EGLN2: variants seen among roughly 807,000 people sequenced by gnomAD.
The protein encoded by EGLN2 is egl-9 family hypoxia inducible factor 2.
In EGLN2, 15 loss-of-function variants were observed where a neutral mutation model predicts 38.2. The ratio of observed to expected loss-of-function variants is 0.39; its 90% CI spans 0.26 to 0.60. EGLN2 has a LOEUF of 0.60. Ranked by LOEUF, EGLN2 falls within the 20% of genes least tolerant of loss-of-function variation. The probability of loss-of-function intolerance (pLI) is 0.50; values close to 1 mark genes in which losing one functional copy is unlikely to be tolerated. For missense variants in EGLN2, 492 were observed against 570.4 expected, an observed-to-expected ratio of 0.86 and a Z score of 1.40; for synonymous variants, 284 against 237.4, an observed-to-expected ratio of 1.20 and a Z score of -1.81.
chr19:40,805,909 G>A (rs2083297478), intron 2 of EGLN2: 1 of 153,086 alleles, frequency 6.5e-6, no homozygotes, highest in Non-Finnish European at 1.5e-5. Flanking sequence ...ACTGGCTAGG[G>A]TTACCCAGCA....
rs753889720 is a variant in EGLN2 at position 40,800,594 on chromosome 19, C to T, written c.22C>T (p.Gln8Ter). 6.2e-7 allele frequency: 1 copy of T among 1,606,772 alleles called. No individual in the cohort carries two copies. Among genetic ancestry groups the T allele is most frequent in the Non-Finnish European group, 8.5e-7 (1 of 1,175,846 alleles). Residue 8 changes from glutamine (Q) to a stop codon, truncating the protein, a stop_gained, in exon 2 of 6, where the codon CAG becomes TAG. Coordinates refer to ENST00000303961, the MANE Select transcript of EGLN2 (RefSeq NM_080732.4). LOFTEE classifies it high-confidence loss of function. Reference sequence around the variant, plus strand: ...TGCCATGGACAGCCCGTGCCAGCCGCAGCCCCTAAGTCAGGCTCTCCCTCA... The same window carrying T: ...TGCCATGGACAGCCCGTGCCAGCCGTAGCCCCTAAGTCAGGCTCTCCCTCA... MDSPCQP[Q>*]PLSQALPQLP...
In EGLN2 at chr19:40,800,701, C is replaced by G. The variant is rs766573706; in HGVS notation, c.129C>G (p.Pro43=). ...GAGTGGAGAGTTACCTGCCCTGTCC[C>G]CTGCTCCCCTCCTACCACTGTCCAG... is the stretch of plus-strand genomic sequence containing the variant. ...RMGVESYLPC[P]LLPSYHCPGV... The change falls in exon 2 of 6, where the codon CCC becomes CCG. Residue 43 remains proline, a synonymous_variant. Transcript: ENST00000303961. The G allele has an allele frequency of 6.2e-7, 1 of 1,614,096 alleles. No individual in the cohort carries two copies. Among genetic ancestry groups the G allele is most frequent in the Admixed American group, 1.7e-5 (1 of 60,024 alleles).
rs1408390440 is a variant in EGLN2, at chr19:40,800,404, C to T, written c.-169C>T. ...GAGGACTTGGGGACCAGCAAGCAAC[C>T]CCCAGGGCACGAGAAGAGCTCTTGC... On this transcript the variant is annotated 5_prime_UTR_variant, in exon 2 of 6. Transcript: ENST00000303961. The T allele has an allele frequency of 9.3e-7, 1 of 1,072,122 alleles. No individual in the cohort carries two copies. Among genetic ancestry groups the T allele is most frequent in the Non-Finnish European group, 1.3e-6 (1 of 771,496 alleles). The allele number at this position is 1,072,122 out of a possible 1,614,324, so 66.4% of individuals were successfully genotyped here.
Position 40,808,365 on chromosome 19 carries a change from G to A in EGLN2, c.*501G>A. 2.5e-6 allele frequency: 1 copy of A among 404,702 alleles called. No homozygotes were observed. Among genetic ancestry groups the A allele is most frequent in the Non-Finnish European group, 4.4e-6 (1 of 228,954 alleles). 25.1% of individuals were successfully genotyped at this position (404,702 alleles called of 1,614,324 possible). A position where few individuals can be genotyped will look rare whatever the true frequency, so the allele number is the denominator to read the frequency against. On this transcript the variant is annotated 3_prime_UTR_variant, in exon 6 of 6. Transcript: ENST00000303961. ...CTGCCACTGCTTGGGCAGAGTAAAAGGTGCCAGGAGGAGCATGGGTGTGGA... is the reference window on the plus strand; with the variant it reads ...CTGCCACTGCTTGGGCAGAGTAAAAAGTGCCAGGAGGAGCATGGGTGTGGA...
In EGLN2 at chr19:40,806,669, G is replaced by A. The variant is rs774710749; in HGVS notation, c.958G>A (p.Val320Ile). Residue 320 changes from valine to isoleucine, a missense_variant, in exon 3 of 6, where the codon GTT becomes ATT. By Grantham distance (29) the Val-to-Ile change is conservative (BLOSUM62 3). This residue lies in a region of EGLN2 where 114 missense variants were observed against 184.2 expected (regional missense o/e 0.62). Transcript: ENST00000303961. ...CIYYLNQNWD[V>I]KVHGGLLQIF... ...CTATTACCTGAATCAGAACTGGGAC[G>A]TTAAGGTAGGGGTGAGGGTGAGGGT... The A allele has an allele frequency of 1.1e-5, 18 of 1,613,450 alleles. No homozygotes were observed. The highest frequency in any genetic ancestry group is 1.3e-5 in the African/African-American group (1 of 75,016).
At chr19:40,801,651 C>CTTTTTTTTTTTT (rs58809253) in intron 2 of EGLN2, among the ~76,000 whole-genome samples, 41 of 102,706 alleles carry the variant, frequency 4.0e-4, no homozygotes, top group Non-Finnish European at 6.2e-4. Flanking sequence ...CACAGTGGTT[C>CTTTTTTTTTTTT]TTTTTTTTTT....
chr19:40,802,400 C>T (rs551806512), intron 2 of EGLN2, among the ~76,000 whole-genome samples: 1 of 152,328 alleles, frequency 6.6e-6, no homozygotes, highest in African/African-American at 2.4e-5. Flanking sequence ...CCCTCCATTC[C>T]CCCTGTCCTG....
intron 2 of EGLN2, 67 bp downstream of exon 2, chr19:40,801,482 T>C: frequency 6.5e-7 from 1 of 1,545,456 alleles, no homozygotes; most frequent in South Asian, 1.2e-5. Flanking sequence ...TTCAGTGCTC[T>C]GAGCACAGTG....
intron 1 of EGLN2, 74 bp downstream of exon 1, chr19:40,799,336 G>T (rs1224714506): frequency 7.3e-6 from 1 of 137,598 alleles, no homozygotes; most frequent in South Asian, 2.3e-4. Flanking sequence ...CGAACCGGGC[G>T]GGGTGTGGGG....
At position 40,807,481 on chromosome 19, in the gene EGLN2, C is replaced by T; in HGVS notation, c.1101-3C>T. Reference sequence around the variant, plus strand: ...ACTAATGTCCAACCACCCTGGTCTCCAGGTACGCCATCACTGTCTGGTATT... The same window carrying T: ...ACTAATGTCCAACCACCCTGGTCTCTAGGTACGCCATCACTGTCTGGTATT... On this transcript the variant is annotated splice_region_variant and splice_polypyrimidine_tract_variant and intron_variant, in intron 4 of 5. Transcript: ENST00000303961. 1.9e-6 allele frequency: 3 copies of T among 1,614,130 alleles called. No homozygotes were observed. The highest frequency in any genetic ancestry group is 2.5e-6 in the Non-Finnish European group (3 of 1,180,010).
At chr19:40,806,769 C>T in intron 3 of EGLN2, 95 bp downstream of exon 3, 1 of 1,512,186 alleles carries the variant, frequency 6.6e-7, no homozygotes, top group Non-Finnish European at 9.0e-7. Flanking sequence ...AGCCCAGATT[C>T]TGGCATTCTC....
chr19:40,801,501 G>GACAGGCTTCTGGGAGGTC, intron 2 of EGLN2, 86 bp downstream of exon 2: 1 of 1,524,626 alleles, frequency 6.6e-7, no homozygotes, highest in Non-Finnish European at 8.8e-7. Context: ...TGGGTTTGGA[G>GACAGGCTTCTGGGAGGTC]ACAGGCTTCT....
At chr19:40,799,365 C>T (rs2083232977) in intron 1 of EGLN2, 103 bp downstream of exon 1, 1 of 131,700 alleles carries the variant, frequency 7.6e-6, no homozygotes, top group Admixed American at 8.0e-5. Flanking sequence ...CGGGGCCTGC[C>T]GGGGCGACCC....
chr19:40,801,634 C>G (rs1361133395), intron 2 of EGLN2, among the ~76,000 whole-genome samples: 1 of 146,810 alleles, frequency 6.8e-6, no homozygotes, highest in Non-Finnish European at 1.5e-5. Context: ...GGAGTTTGTC[C>G]TGGAGCCACA....
At chr19:40,800,160 A>C (rs1015843717) in intron 1 of EGLN2, 179 bp from the exon 2 acceptor site, 2 of 192,228 alleles carry the variant, frequency 1.0e-5, no homozygotes, top group Admixed American at 1.1e-4. Flanking sequence ...CTGTCAGCGG[A>C]CTCCCGCACC....
intron 2 of EGLN2, chr19:40,805,458 C>T (rs941735733): frequency 3.3e-5 from 5 of 152,224 alleles, no homozygotes; most frequent in Non-Finnish European, 7.3e-5. Flanking sequence ...TCACTTGTTC[C>T]ACAACAACCT....
rs1489555928 is a variant in EGLN2 at position 40,800,635 on chromosome 19, G to A, written c.63G>A (p.Ser21=). 5 of 1,613,706 alleles carry A rather than the reference G, an allele frequency of 3.1e-6. No homozygotes were observed. Among genetic ancestry groups the A allele is most frequent in the African/African-American group, 2.7e-5 (2 of 74,932 alleles). Residue 21 remains serine (S), a synonymous_variant, in exon 2 of 6, where the codon TCG becomes TCA. Transcript: ENST00000303961. The stretch of plus-strand genomic sequence containing the variant: ...CTCTCCCTCAGTTACCAGGGTCTTC[G>A]TCAGAGCCCTTGGAGCCTGAGCCTG... ...SQALPQLPGS[S]SEPLEPEPGR...
In EGLN2 at chr19:40,808,121, G is replaced by A. The variant is rs746413418; in HGVS notation, c.*257G>A. The A allele has an allele frequency of 8.8e-5, 51 of 576,696 alleles. No homozygotes were observed. The highest frequency in any genetic ancestry group is 1.1e-4 in the Non-Finnish European group (35 of 323,438). 35.7% of individuals were successfully genotyped at this position (576,696 alleles called of 1,614,324 possible). A position where few individuals can be genotyped will look rare whatever the true frequency, so the allele number is the denominator to read the frequency against. On this transcript the variant is annotated 3_prime_UTR_variant, in exon 6 of 6. Transcript: ENST00000303961. ...GTTACCAACTGAAGCTGGGGGCCTG[G>A]GTCCTACCCTGTCTGGTCATGACCC... is the stretch of plus-strand genomic sequence containing the variant.
rs143779441 is a variant in EGLN2, at chr19:40,801,954, T to A, written c.843+539T>A. On this transcript the variant is annotated intron_variant, in intron 2 of 5. Coordinates refer to ENST00000303961, the MANE Select transcript of EGLN2 (RefSeq NM_080732.4). ...CTTAAACTCATGAGAGCTGCTGACA[T>A]TCACAGCGTGGACCTTGGTGGGGTT... 2.1e-3 allele frequency among the ~76,000 whole-genome samples: 320 copies of A among 152,190 alleles called. 1 individual carries two copies. Among genetic ancestry groups the A allele is most frequent in the African/African-American group, 7.5e-3 (312 of 41,520 alleles).
Sources: gnomAD v4.1 joint callset for allele counts (sites outside exome capture counted in the v4.1 genomes callset) on GRCh38, gnomAD v4.1.1 for gene constraint, gnomAD v4.1.1 regional missense constraint, MANE v1.5 for transcripts, NCBI Gene and HGNC (gene_info 2026-07-23, HGNC 2026-07-21) for gene names.